MYO1H: variants seen among roughly 807,000 people sequenced by gnomAD.
The protein encoded by MYO1H is myosin IH.
Under a neutral mutation model 149.3 loss-of-function variants are expected in MYO1H, and 118 were observed. The observed-to-expected ratio is 0.79, with a 90% CI of 0.68 to 0.92. The LOEUF is 0.92. Among genes scored for constraint, MYO1H ranks in the 40% least tolerant of loss-of-function variants. The pLI is 0.00. For missense variants in MYO1H, 1,212 were observed against 1,280.7 expected (o/e 0.95, Z 0.82); for synonymous variants, 447 against 465.2 (o/e 0.96, Z 0.50).
intron 19 of MYO1H, among the ~76,000 whole-genome samples, chr12:109,428,216 A>G (rs1341397784): frequency 6.6e-6 from 1 of 152,102 alleles, no homozygotes; most frequent in African/African-American, 2.4e-5. Context: ...ACCAGGGGGC[A>G]GCCGTGGGCA....
chr12:109,350,377 G>T (rs1294519663), intron 1 of MYO1H, among the ~76,000 whole-genome samples: 3 of 152,084 alleles, frequency 2.0e-5, no homozygotes, highest in Admixed American at 1.3e-4. Context: ...AATCATGGGG[G>T]CAGTTTCCCC....
intron 3 of MYO1H, 101 bp downstream of exon 3, chr12:109,393,547 C>T (rs574719373): frequency 2.0e-5 from 11 of 555,940 alleles, no homozygotes; most frequent in South Asian, 4.2e-5. Context: ...ATTCATCCAT[C>T]CATCCATCCA....
rs538712592 is a variant in MYO1H, at chr12:109,405,194, C to T, written c.850-728C>T. 1.4e-3 allele frequency among the ~76,000 whole-genome samples: 214 copies of T among 151,756 alleles called. 2 individuals are homozygous for T. Among genetic ancestry groups the T allele is most frequent in the African/African-American group, 4.9e-3 (202 of 41,346 alleles). On this transcript the variant is annotated intron_variant, in intron 7 of 31. Transcript: ENST00000310903. ...CACCATTGCACTCCAGCCTGGGTGA[C>T]AGAGCAAGACCCTGTCTCTTAAAAA...
intron 19 of MYO1H, among the ~76,000 whole-genome samples, chr12:109,431,556 T>C (rs1445834794): frequency 6.6e-6 from 1 of 152,072 alleles, no homozygotes; most frequent in African/African-American, 2.4e-5. Context: ...GTCACACAGG[T>C]GAGGCAGCGA....
chr12:109,346,071 G>T (rs2048101718), upstream of MYO1H, among the ~76,000 whole-genome samples: 1 of 152,096 alleles, frequency 6.6e-6, no homozygotes, highest in Non-Finnish European at 1.5e-5. Flanking sequence ...CATATTTATG[G>T]GTTCCAATTC....
chr12:109,329,951 G>A, the MYO1H span, among the ~76,000 whole-genome samples: 1 of 152,204 alleles, frequency 6.6e-6, no homozygotes, highest in African/African-American at 2.4e-5. Context: ...ATTTATGGGG[G>A]AGGAGGCAGA....
the MYO1H span, among the ~76,000 whole-genome samples, chr12:109,332,520 G>A: frequency 2.0e-5 from 3 of 152,232 alleles, no homozygotes; most frequent in Admixed American, 6.5e-5. Flanking sequence ...CCTTGTGGCC[G>A]TTCCTGTCAA....
chr12:109,344,137 T>C (rs1223402660), upstream of MYO1H, among the ~76,000 whole-genome samples: 1 of 152,180 alleles, frequency 6.6e-6, no homozygotes, highest in African/African-American at 2.4e-5. Flanking sequence ...TGTTAGGGGT[T>C]ATTGGGAAGA....
chr12:109,405,904 C>T lies in MYO1H; in HGVS notation c.850-18C>T. On this transcript the variant is annotated intron_variant, in intron 7 of 31. Coordinates refer to ENST00000310903, the Ensembl canonical transcript of MYO1H. ...CCTGTCCTGATCTCCTGTCTCTGAA[C>T]ACTTCCCATGTTCCTAGAATCTCTT... 1.9e-6 allele frequency: 3 copies of T among 1,555,238 alleles called. No homozygotes were observed. The highest frequency in any genetic ancestry group is 1.8e-6 in the Non-Finnish European group (2 of 1,126,760).
chr12:109,422,385 G>A (rs532778775), intron 16 of MYO1H, among the ~76,000 whole-genome samples: 1 of 152,220 alleles, frequency 6.6e-6, no homozygotes, highest in South Asian at 2.1e-4. Context: ...TCGCTCTCTG[G>A]GTCTGAGTCC....
chr12:109,406,376 G>A (rs763781760), intron 8 of MYO1H, among the ~76,000 whole-genome samples: 3 of 150,550 alleles, frequency 2.0e-5, no homozygotes, highest in Non-Finnish European at 4.4e-5. Flanking sequence ...CAAGGCAGGA[G>A]GATCGCTTGA....
chr12:109,433,200 G>A (rs1871714783), intron 20 of MYO1H, among the ~76,000 whole-genome samples, 190 bp downstream of exon 20: 1 of 152,176 alleles, frequency 6.6e-6, no homozygotes, highest in Non-Finnish European at 1.5e-5. Context: ...TGCTGCCGGT[G>A]GGAGGAAATG....
At chr12:109,443,388 A>G (rs1167896877) in intron 27 of MYO1H, 126 bp from the exon 28 acceptor site, 15 of 918,858 alleles carry the variant, frequency 1.6e-5, no homozygotes, top group South Asian at 8.3e-5. Context: ...ACACACACAC[A>G]CACACATACA....
the MYO1H span, among the ~76,000 whole-genome samples, chr12:109,330,525 T>C: frequency 6.6e-6 from 1 of 152,190 alleles, no homozygotes; most frequent in Admixed American, 6.5e-5. Context: ...AAGGGCTTCG[T>C]AAGCTTGAGT....
At chr12:109,406,993 C>T (rs1477304602) in intron 9 of MYO1H, 133 bp downstream of exon 9, 2 of 712,610 alleles carry the variant, frequency 2.8e-6, no homozygotes, top group Non-Finnish European at 4.8e-6. Flanking sequence ...TGGTCCAGCT[C>T]CTGTGGAGTG....
intron 23 of MYO1H, 117 bp from the exon 24 acceptor site, chr12:109,439,514 T>TTCCA: frequency 2.4e-5 from 25 of 1,045,598 alleles, no homozygotes; most frequent in Non-Finnish European, 3.3e-5. Context: ...CTGGCCTATG[T>TTCCA]GGTCATCTCC....
At position 109,430,928 on chromosome 12, in the gene MYO1H, A is replaced by AATAT. The variant is rs34997794; in HGVS notation, c.1950-1963_1950-1960dup. Among the ~76,000 whole-genome samples, 3 of 151,130 alleles carry AATAT rather than the reference A, an allele frequency of 2.0e-5. No individual in the cohort carries two copies. The East Asian group carries it at 5.9e-4, about 30-fold the overall frequency. On this transcript the variant is annotated intron_variant, in intron 19 of 31. Transcript: ENST00000310903. The stretch of plus-strand genomic sequence containing the variant: ...GTGACAGAGTGAGCTCTGTATCAAA[A>AATAT]ATATATATACATGTATTTTTTTTAA...
chr12:109,398,005 G>A (rs1869987862), intron 5 of MYO1H, among the ~76,000 whole-genome samples, 193 bp downstream of exon 5: 1 of 152,136 alleles, frequency 6.6e-6, no homozygotes, highest in African/African-American at 2.4e-5. Flanking sequence ...CCATCTGGAT[G>A]GGCAAAAACT....
At chr12:109,407,622 A>C (rs900063442) in intron 9 of MYO1H, among the ~76,000 whole-genome samples, 172 bp from the exon 10 acceptor site, 6 of 146,616 alleles carry the variant, frequency 4.1e-5, no homozygotes, top group African/African-American at 1.5e-4. Flanking sequence ...AAAAAAAAAA[A>C]GCGAGGCATG....
Sources: allele counts gnomAD v4.1 joint callset (sites outside exome capture counted in the v4.1 genomes callset), GRCh38; gene constraint gnomAD v4.1.1; transcripts MANE v1.5; gene names NCBI Gene and HGNC (gene_info 2026-07-23, HGNC 2026-07-21).